PAQR5: variants seen among roughly 807,000 people sequenced by gnomAD.
The protein encoded by PAQR5 is membrane progestin receptor gamma.
Under a neutral mutation model 34.5 loss-of-function variants are expected in PAQR5, and 20 were observed. The observed-to-expected ratio is 0.58, with a 90% CI of 0.41 to 0.84. The LOEUF (loss-of-function observed/expected upper bound fraction) is 0.84. Ranked by LOEUF, PAQR5 falls within the 40% of genes least tolerant of loss-of-function variation. PAQR5 has a pLI of 0.00. For missense variants in PAQR5, 378 were observed against 412.7 expected, an observed-to-expected ratio of 0.92 and a Z score of 0.73; for synonymous variants, 131 against 155.6, an observed-to-expected ratio of 0.84 and a Z score of 1.18.
intron 1 of PAQR5, among the ~76,000 whole-genome samples, chr15:69,309,417 C>T (rs1007734300): frequency 3.3e-5 from 5 of 152,026 alleles, no homozygotes; most frequent in Non-Finnish European, 7.4e-5. Context: ...GAGGAGGAAC[C>T]AGACTTAGAT....
chr15:69,402,969 T>C (rs576215300), intron 8 of PAQR5, among the ~76,000 whole-genome samples: 3 of 152,376 alleles, frequency 2.0e-5, no homozygotes, highest in South Asian at 2.1e-4. Context: ...CAGCATGGCA[T>C]TGGGGAGGAA....
intron 4 of PAQR5, among the ~76,000 whole-genome samples, chr15:69,382,574 GGCAGAGGTT>G (rs577814761): frequency 6.7e-6 from 1 of 148,666 alleles, no homozygotes; most frequent in Non-Finnish European, 1.5e-5. Context: ...GAACCCAGGA[GGCAGAGGTT>G]GCAGAGAGCC....
chr15:69,310,748 A>G (rs549836274), intron 1 of PAQR5, among the ~76,000 whole-genome samples: 8 of 152,108 alleles, frequency 5.3e-5, no homozygotes, highest in South Asian at 2.1e-4. Flanking sequence ...TTTAAGAATT[A>G]TGAGTGTTGG....
At chr15:69,332,033 C>A (rs1165572540) in intron 1 of PAQR5, among the ~76,000 whole-genome samples, 1 of 152,090 alleles carries the variant, frequency 6.6e-6, no homozygotes, top group Non-Finnish European at 1.5e-5. Context: ...CCGGGTATGC[C>A]AGCAAAAAGG....
intron 2 of PAQR5, among the ~76,000 whole-genome samples, chr15:69,353,431 C>T (rs894596725): frequency 1.4e-4 from 21 of 152,320 alleles, no homozygotes; most frequent in African/African-American, 5.1e-4. Context: ...CAAAGAAACT[C>T]ATTTTACAGC....
chr15:69,344,861 C>G lies in PAQR5; in HGVS notation c.-116+7360C>G, dbSNP rs531829198. On this transcript the variant is annotated intron_variant, in intron 2 of 8. Coordinates refer to ENST00000395407, the MANE Select transcript of PAQR5 (RefSeq NM_017705.4). The stretch of plus-strand genomic sequence containing the variant: ...CTGTAATCCCTGCATTTTGGAAGGT[C>G]GAGGCAGGTGGATCACTTGAGCTCA... Among the ~76,000 whole-genome samples the G allele has an allele frequency of 3.3e-5, 5 of 152,224 alleles. No individual in the cohort carries two copies. The East Asian group carries it at 9.7e-4, about 29-fold the overall frequency.
chr15:69,324,727 C>G (rs1013011351), intron 1 of PAQR5, among the ~76,000 whole-genome samples: 5 of 152,106 alleles, frequency 3.3e-5, no homozygotes, highest in Non-Finnish European at 5.9e-5. Context: ...GGGCTCCACT[C>G]TGGCCTCCTG....
At chr15:69,330,926 G>A (rs532000987) in intron 1 of PAQR5, among the ~76,000 whole-genome samples, 8 of 152,262 alleles carry the variant, frequency 5.3e-5, no homozygotes, top group South Asian at 4.2e-4. Flanking sequence ...CCCATGGTTC[G>A]GTGGCCCCAC....
chr15:69,311,038 C>CA (rs760679672), intron 1 of PAQR5, among the ~76,000 whole-genome samples: 6,767 of 36,034 alleles, frequency 0.19, 1,853 homozygotes, highest in South Asian at 0.22. Context: ...GACTCCGTCG[C>CA]AAAAAATAAA....
chr15:69,386,303 T>TCACA (rs1307088081), intron 5 of PAQR5, among the ~76,000 whole-genome samples: 1 of 150,406 alleles, frequency 6.6e-6, no homozygotes, highest in Non-Finnish European at 1.5e-5. Flanking sequence ...ACACGCTCAC[T>TCACA]CACACACTCT....
chr15:69,308,420 G>A (rs1278622141), intron 1 of PAQR5, among the ~76,000 whole-genome samples: 1 of 152,204 alleles, frequency 6.6e-6, no homozygotes, highest in Non-Finnish European at 1.5e-5. Flanking sequence ...GGCTAGAGCA[G>A]GATTTCTCAC....
chr15:69,331,609 C>T (rs1304942018), intron 1 of PAQR5, among the ~76,000 whole-genome samples: 4 of 152,036 alleles, frequency 2.6e-5, no homozygotes, highest in African/African-American at 9.7e-5. Flanking sequence ...AAAGAAAGCT[C>T]AACAGGCCTG....
chr15:69,382,504 G>T (rs1479294280), intron 4 of PAQR5, among the ~76,000 whole-genome samples: 2 of 151,440 alleles, frequency 1.3e-5, no homozygotes, highest in East Asian at 3.9e-4. Context: ...AGTTAGCCAG[G>T]CGTGGTGGAG....
At chr15:69,384,004 A>G (rs1273972374) in intron 4 of PAQR5, among the ~76,000 whole-genome samples, 14 of 42,530 alleles carry the variant, frequency 3.3e-4, no homozygotes, top group South Asian at 1.3e-3. Context: ...GGCCCTCTGT[A>G]TTCATGGTGG....
At chr15:69,306,325 A>C (rs1407534259) in intron 1 of PAQR5, among the ~76,000 whole-genome samples, 1 of 140,684 alleles carries the variant, frequency 7.1e-6, no homozygotes, top group Non-Finnish European at 1.6e-5. Context: ...GCAGTAAAAC[A>C]TACAAAACAT....
intron 5 of PAQR5, among the ~76,000 whole-genome samples, chr15:69,387,722 C>A (rs796316276): frequency 3.3e-5 from 5 of 152,304 alleles, no homozygotes; most frequent in African/African-American, 1.2e-4. Context: ...CTGTCCCCTG[C>A]CTTCCTCCAT....
At chr15:69,381,331 CT>C (rs980044370) in intron 4 of PAQR5, among the ~76,000 whole-genome samples, 5 of 152,228 alleles carry the variant, frequency 3.3e-5, no homozygotes, top group African/African-American at 1.2e-4. Flanking sequence ...GCATCTGCCT[CT>C]TTCCCTGCTG....
intron 3 of PAQR5, among the ~76,000 whole-genome samples, chr15:69,370,403 T>G (rs2055527183): frequency 1.3e-5 from 2 of 152,212 alleles, no homozygotes. Flanking sequence ...GGAGGACAAA[T>G]GCAGGCCATA....
intron 3 of PAQR5, among the ~76,000 whole-genome samples, chr15:69,367,957 T>C (rs1488066261): frequency 4.6e-5 from 7 of 152,122 alleles, no homozygotes; most frequent in African/African-American, 7.2e-5. Context: ...CTAGTGCCCG[T>C]TGGCCAAAAA....
Sources: allele counts gnomAD v4.1 joint callset (sites outside exome capture counted in the v4.1 genomes callset), GRCh38; gene constraint gnomAD v4.1.1; transcripts MANE v1.5; gene names NCBI Gene and HGNC (gene_info 2026-07-23, HGNC 2026-07-21).